RASEF: variants seen among roughly 807,000 people sequenced by gnomAD.
RASEF encodes the protein ras and EF-hand domain-containing protein.
RASEF carries 68 observed loss-of-function variants against 90.1 expected under a neutral mutation model. The observed-to-expected ratio is 0.75, with a 90% CI of 0.62 to 0.92. The LOEUF (loss-of-function observed/expected upper bound fraction) is 0.92. Ranked by LOEUF, RASEF falls within the 40% of genes least tolerant of loss-of-function variation. RASEF has a pLI of 0.00. For missense variants in RASEF, 949 were observed against 937.2 expected (o/e 1.01, Z -0.16); for synonymous variants, 331 against 345.2 (o/e 0.96, Z 0.46).
the RASEF span, among the ~76,000 whole-genome samples, chr9:83,155,548 C>A: frequency 2.0e-5 from 3 of 152,092 alleles, no homozygotes; most frequent in Admixed American, 2.0e-4. Context: ...AAATTATCTC[C>A]CACCGGGTCC....
chr9:83,110,578 G>A, the RASEF span, among the ~76,000 whole-genome samples: 1 of 152,134 alleles, frequency 6.6e-6, no homozygotes, highest in Non-Finnish European at 1.5e-5. Flanking sequence ...CAGAAGACAA[G>A]CTATGAGGCC....
the RASEF span, among the ~76,000 whole-genome samples, chr9:83,089,083 G>A: frequency 6.6e-6 from 1 of 151,638 alleles, no homozygotes; most frequent in Non-Finnish European, 1.5e-5. Context: ...TATTTTCTAA[G>A]CAATTGCTCT....
the RASEF span, among the ~76,000 whole-genome samples, chr9:83,208,385 T>G: frequency 6.6e-6 from 1 of 152,110 alleles, no homozygotes; most frequent in Non-Finnish European, 1.5e-5. Flanking sequence ...TTCTCTTCCC[T>G]CCCCCAGGTT....
In RASEF at chr9:83,007,464, C is replaced by G. The variant is rs1373785853; in HGVS notation, c.1001G>C (p.Ser334Thr). The G allele has an allele frequency of 6.2e-7, 1 of 1,613,002 alleles. No homozygotes were observed. Among genetic ancestry groups the G allele is most frequent in the South Asian group, 1.1e-5 (1 of 91,054 alleles). ...GAGTATTTCAATTTGCCTCTCAAGA[C>G]TATTTCGATCTTCTGTGTATGCTCG... The part of the protein sequence containing the change: ...IIRAYTEDRN[S>T]LERQIEILQT... Residue 334 changes from serine to threonine, a missense_variant, in exon 7 of 17, where the codon AGT becomes ACT. Around this residue, in one of 3 missense-constraint regions of RASEF, gnomAD observed 656 missense variants for 592.2 expected, o/e 1.11. Transcript: ENST00000376447.
At chr9:83,144,531 A>G in the RASEF span, among the ~76,000 whole-genome samples, 193 of 152,178 alleles carry the variant, frequency 1.3e-3, no homozygotes, top group African/African-American at 4.6e-3. Flanking sequence ...ATTTCAGGCA[A>G]GGTTACATTT....
At chr9:82,998,268 A>C in intron 13 of RASEF, 97 bp downstream of exon 13, 1 of 678,186 alleles carries the variant, frequency 1.5e-6, no homozygotes. Context: ...AAAGTATGTT[A>C]TAATTATAGA....
chr9:83,032,418 T>C lies in RASEF; in HGVS notation c.432-6497A>G, dbSNP rs187850477. ...CATGCAGATCTGTTTACAGGTGTAC[T>C]TGGCAAACACTAGGGAAAGAAAGAT... On this transcript the variant is annotated intron_variant, in intron 1 of 16. Transcript: ENST00000376447. Among the ~76,000 whole-genome samples the C allele has an allele frequency of 9.2e-5, 14 of 152,322 alleles. No individual in the cohort carries two copies. The East Asian group carries it at 2.5e-3, about 27-fold the overall frequency.
intron 5 of RASEF, among the ~76,000 whole-genome samples, chr9:83,010,557 G>A (rs1326257684): frequency 6.6e-6 from 1 of 152,150 alleles, no homozygotes; most frequent in Non-Finnish European, 1.5e-5. Flanking sequence ...GACAGAACCA[G>A]ATATGGGGTT....
At chr9:83,101,071 C>T in the RASEF span, among the ~76,000 whole-genome samples, 1 of 152,144 alleles carries the variant, frequency 6.6e-6, no homozygotes, top group Non-Finnish European at 1.5e-5. Flanking sequence ...TCTTATCACA[C>T]AGATACTAGG....
chr9:82,992,943 T>C lies in RASEF; in HGVS notation c.2003A>G (p.Lys668Arg), dbSNP rs1198007570. Residue 668 changes from lysine (K) to arginine (R), a missense_variant, in exon 15 of 17, where the codon AAA becomes AGA. Physicochemically the swap from Lys to Arg is conservative, Grantham distance 26. Coordinates refer to ENST00000376447, the MANE Select transcript of RASEF (RefSeq NM_152573.4). ...CTCTCCAAAGTGCCCTGGGACACAT[T>C]TTTGTCCCTCTGTAGCAGCAGTGTC... Reference protein sequence around the residue: ...IRDTAATEGQKCVPGHFGEKL... With the variant: ...IRDTAATEGQRCVPGHFGEKL... 1 of 1,613,840 alleles carries C rather than the reference T, an allele frequency of 6.2e-7. No individual in the cohort carries two copies. The highest frequency in any genetic ancestry group is 8.5e-7 in the Non-Finnish European group (1 of 1,179,768).
the RASEF span, among the ~76,000 whole-genome samples, chr9:83,146,090 G>T: frequency 2.6e-5 from 4 of 151,034 alleles, no homozygotes; most frequent in Non-Finnish European, 5.9e-5. Context: ...TTCTTATGGG[G>T]ATACTCCTTG....
At chr9:83,158,653 T>TATATACACATATGTATATATTTATGTAC in the RASEF span, among the ~76,000 whole-genome samples, 1 of 9,800 alleles carries the variant, frequency 1.0e-4, no homozygotes, top group African/African-American at 4.8e-4. Flanking sequence ...TATGTCCAAA[T>TATATACACATATGTATATATTTATGTAC]ATATACATAT....
the RASEF span, among the ~76,000 whole-genome samples, chr9:83,128,025 CT>C: frequency 7.1e-3 from 951 of 134,666 alleles, 10 homozygotes; most frequent in African/African-American, 0.019. Flanking sequence ...TTTTTCTTTT[CT>C]TTTTTTTTTT....
chr9:83,149,593 T>C, the RASEF span, among the ~76,000 whole-genome samples: 3 of 152,058 alleles, frequency 2.0e-5, no homozygotes, highest in Non-Finnish European at 2.9e-5. Flanking sequence ...GGGCAGACTG[T>C]GCATGGCCTG....
At chr9:83,199,036 T>C in the RASEF span, among the ~76,000 whole-genome samples, 3 of 152,180 alleles carry the variant, frequency 2.0e-5, no homozygotes, top group African/African-American at 7.2e-5. Context: ...CCAATTACTT[T>C]TGCTATTAAT....
At chr9:83,184,244 C>T in the RASEF span, among the ~76,000 whole-genome samples, 1 of 152,014 alleles carries the variant, frequency 6.6e-6, no homozygotes, top group African/African-American at 2.4e-5. Context: ...TTGAGCTGTA[C>T]CTTATGAGAC....
At chr9:83,096,155 A>G in the RASEF span, among the ~76,000 whole-genome samples, 1 of 152,192 alleles carries the variant, frequency 6.6e-6, no homozygotes, top group Non-Finnish European at 1.5e-5. Context: ...TAAAGATGAA[A>G]CATACCAGTG....
chr9:83,062,794 G>A lies in RASEF; in HGVS notation c.74C>T (p.Ser25Leu), dbSNP rs759532207. 3 of 1,556,262 alleles carry A rather than the reference G, an allele frequency of 1.9e-6. No individual in the cohort carries two copies. The highest frequency in any genetic ancestry group is 1.4e-5 in the African/African-American group (1 of 72,232). ...SVFAACDANR[S>L]GRLEREEFRA... The stretch of plus-strand genomic sequence containing the variant: ...GAACTCCTCGCGCTCCAGGCGCCCC[G>A]AGCGGTTCGCGTCGCAGGCGGCGAA... The change falls in exon 1 of 17, where the codon TCG becomes TTG. Residue 25 changes from serine to leucine, a missense_variant. Transcript: ENST00000376447.
At chr9:83,142,436 A>T in the RASEF span, among the ~76,000 whole-genome samples, 1 of 152,348 alleles carries the variant, frequency 6.6e-6, no homozygotes, top group African/African-American at 2.4e-5. Context: ...CATTTTAGAT[A>T]GTTTGATTTG....
Sources: gnomAD v4.1 joint callset for allele counts (sites outside exome capture counted in the v4.1 genomes callset) on GRCh38, gnomAD v4.1.1 for gene constraint, gnomAD v4.1.1 regional missense constraint, MANE v1.5 for transcripts, NCBI Gene and HGNC (gene_info 2026-07-23, HGNC 2026-07-21) for gene names.